Variants in CDH9 observed in about 807,000 individuals in gnomAD.
CDH9 encodes cadherin 9, also known as cadherin-9.
Under a neutral mutation model 70.9 loss-of-function variants are expected in CDH9, and 28 were observed. That is an observed-to-expected ratio of 0.40 (90% CI 0.29 to 0.54). CDH9 has a LOEUF of 0.54. Ranked by LOEUF, CDH9 falls within the 20% of genes least tolerant of loss-of-function variation. The pLI is 0.59. For missense variants in CDH9, 874 were observed against 984.4 expected (o/e 0.89, Z 1.50); for synonymous variants, 409 against 343.1 (o/e 1.19, Z -2.12).
intron 3 of CDH9, among the ~76,000 whole-genome samples, chr5:26,909,152 C>T (rs919602555): frequency 1.3e-5 from 2 of 151,594 alleles, no homozygotes; most frequent in Non-Finnish European, 2.9e-5. Flanking sequence ...CCTGGCTAAT[C>T]TTTTTTGTAT....
intron 2 of CDH9, among the ~76,000 whole-genome samples, chr5:26,971,306 C>T (rs896794660): frequency 3.3e-5 from 5 of 152,196 alleles, no homozygotes; most frequent in East Asian, 3.9e-4. Flanking sequence ...AGAATACAAA[C>T]GAAGGTTTTA....
intron 2 of CDH9, among the ~76,000 whole-genome samples, chr5:26,940,088 A>C (rs546828893): frequency 7.3e-5 from 11 of 151,658 alleles, no homozygotes; most frequent in Non-Finnish European, 4.4e-5. Context: ...AGGAGAACCC[A>C]GGAGGCAGAG....
rs530698354 is a variant in CDH9, at chr5:26,918,252, C to T, written c.229-2328G>A. On this transcript the variant is annotated intron_variant, in intron 2 of 11. Transcript: ENST00000231021. ...ACCTTTACCTTCTTTTTTGTATTTTCCTCTAACTAAGTATTTGTCATATTT... is the reference window on the plus strand; with the variant it reads ...ACCTTTACCTTCTTTTTTGTATTTTTCTCTAACTAAGTATTTGTCATATTT... Among the ~76,000 whole-genome samples the T allele has an allele frequency of 3.9e-4, 59 of 152,116 alleles. 2 individuals carry two copies. In the South Asian group the frequency reaches 0.011, roughly 29 times the overall value.
intron 2 of CDH9, among the ~76,000 whole-genome samples, chr5:26,955,479 G>C (rs988301315): frequency 1.3e-5 from 2 of 152,210 alleles, no homozygotes; most frequent in Non-Finnish European, 2.9e-5. Context: ...GGGGCTGCCT[G>C]AATTCCTTGG....
intron 7 of CDH9, among the ~76,000 whole-genome samples, chr5:26,899,940 T>C (rs1200451664): frequency 2.0e-5 from 3 of 150,276 alleles, no homozygotes; most frequent in Non-Finnish European, 3.0e-5. Flanking sequence ...AGAAAATAAA[T>C]AAATTTCAAA....
At chr5:26,962,775 A>T (rs1297207912) in intron 2 of CDH9, among the ~76,000 whole-genome samples, 1 of 151,998 alleles carries the variant, frequency 6.6e-6, no homozygotes, top group African/African-American at 2.4e-5. Flanking sequence ...TAAGTTCTAG[A>T]GTACATGTGT....
chr5:27,029,234 A>C (rs1403626542), intron 1 of CDH9, among the ~76,000 whole-genome samples: 1 of 151,992 alleles, frequency 6.6e-6, no homozygotes, highest in Admixed American at 6.6e-5. Flanking sequence ...TATTAAGATT[A>C]TTGGTTTCAA....
At chr5:26,897,922 C>G (rs1740782254) in intron 7 of CDH9, among the ~76,000 whole-genome samples, 1 of 152,104 alleles carries the variant, frequency 6.6e-6, no homozygotes, top group South Asian at 2.1e-4. Context: ...ATTTAGAAAA[C>G]CCCATCGTCT....
chr5:27,029,656 A>T (rs1223225339), intron 1 of CDH9, among the ~76,000 whole-genome samples: 4 of 152,010 alleles, frequency 2.6e-5, no homozygotes, highest in Admixed American at 6.6e-5. Context: ...AGGCAATGAC[A>T]TAATCAGGTA....
chr5:27,002,277 C>T (rs1180201240), intron 1 of CDH9, among the ~76,000 whole-genome samples: 1 of 152,182 alleles, frequency 6.6e-6, no homozygotes, highest in Non-Finnish European at 1.5e-5. Flanking sequence ...ACAACAGGTG[C>T]TGGAGAGGAT....
intron 2 of CDH9, among the ~76,000 whole-genome samples, chr5:26,969,389 C>T (rs1201447650): frequency 2.0e-5 from 3 of 152,058 alleles, no homozygotes; most frequent in Non-Finnish European, 4.4e-5. Flanking sequence ...TGGAGAAGAA[C>T]TACATTTCAC....
At chr5:26,981,806 T>C (rs1446198272) in intron 2 of CDH9, among the ~76,000 whole-genome samples, 1 of 151,952 alleles carries the variant, frequency 6.6e-6, no homozygotes, top group East Asian at 1.9e-4. Flanking sequence ...ATAAAACCAA[T>C]AAATAGGTAG....
chr5:26,893,804 A>C (rs749870908), intron 7 of CDH9, among the ~76,000 whole-genome samples: 23 of 152,162 alleles, frequency 1.5e-4, no homozygotes, highest in Non-Finnish European at 2.9e-4. Flanking sequence ...AATGTAGTAA[A>C]ATTGAGCATG....
chr5:26,915,519 G>A, intron 3 of CDH9, 111 bp downstream of exon 3: 1 of 664,216 alleles, frequency 1.5e-6, no homozygotes, highest in Non-Finnish European at 2.7e-6. Context: ...GTAGTTAACA[G>A]TTATAACTCT....
intron 1 of CDH9, among the ~76,000 whole-genome samples, chr5:27,006,056 A>G (rs1469920269): frequency 4.6e-5 from 7 of 152,072 alleles, no homozygotes; most frequent in African/African-American, 1.7e-4. Context: ...AGTAGAAAAG[A>G]TAACTGTTGG....
chr5:26,957,722 A>G (rs1478281291), intron 2 of CDH9, among the ~76,000 whole-genome samples: 2 of 152,026 alleles, frequency 1.3e-5, no homozygotes, highest in South Asian at 2.1e-4. Flanking sequence ...ATTACATGCT[A>G]TTTTCTTTGG....
chr5:26,893,670 C>CAT (rs1170851858), intron 7 of CDH9, among the ~76,000 whole-genome samples: 121 of 146,400 alleles, frequency 8.3e-4, no homozygotes, highest in Admixed American at 1.8e-3. Context: ...TGCATAACAG[C>CAT]ATATATATAT....
intron 1 of CDH9, among the ~76,000 whole-genome samples, chr5:27,016,272 C>G (rs1743044540): frequency 6.6e-6 from 1 of 151,738 alleles, no homozygotes; most frequent in East Asian, 1.9e-4. Flanking sequence ...ATTTAAAAGT[C>G]ATTTTTATCA....
At chr5:27,010,144 A>C (rs2112114337) in intron 1 of CDH9, among the ~76,000 whole-genome samples, 1 of 152,268 alleles carries the variant, frequency 6.6e-6, no homozygotes, top group South Asian at 2.1e-4. Context: ...CTATAAGGAC[A>C]ATATTATACT....
Sources: allele counts gnomAD v4.1 joint callset (sites outside exome capture counted in the v4.1 genomes callset), GRCh38; gene constraint gnomAD v4.1.1; transcripts MANE v1.5; gene names NCBI Gene and HGNC (gene_info 2026-07-23, HGNC 2026-07-21).